Variants in PI4K2A observed in about 807,000 individuals in gnomAD.
PI4K2A encodes phosphatidylinositol 4-kinase type 2 alpha.
In PI4K2A, 20 loss-of-function variants were observed where a neutral mutation model predicts 55.0. That is an observed-to-expected ratio of 0.36 (90% CI 0.26 to 0.53). The LOEUF is 0.53. Ranked by LOEUF, PI4K2A falls within the 20% of genes least tolerant of loss-of-function variation. PI4K2A has a pLI of 0.91. For missense variants in PI4K2A, 463 were observed against 637.1 expected (o/e 0.73, Z 2.94); for synonymous variants, 235 against 258.5 (o/e 0.91, Z 0.87).
intron 1 of PI4K2A, among the ~76,000 whole-genome samples, chr10:97,650,383 G>A (rs1411817818): frequency 6.6e-6 from 1 of 151,324 alleles, no homozygotes; most frequent in African/African-American, 2.4e-5. Context: ...ATGGGTTCAA[G>A]TGATTCTCAT....
chr10:97,665,004 T>A lies in PI4K2A; in HGVS notation c.1084+20T>A. ...GGGCATGTAAGTCTCCAGACAATGGTGGTCTGGCTCTTCCCTTGCTCAGTA... is the reference window on the plus strand; with the variant it reads ...GGGCATGTAAGTCTCCAGACAATGGAGGTCTGGCTCTTCCCTTGCTCAGTA... On this transcript the variant is annotated intron_variant, in intron 6 of 8. Transcript: ENST00000370631. 3 of 1,467,686 alleles carry A rather than the reference T, an allele frequency of 2.0e-6. No individual in the cohort carries two copies. Among genetic ancestry groups the A allele is most frequent in the Non-Finnish European group, 2.9e-6 (3 of 1,046,748 alleles). 90.9% of individuals were successfully genotyped at this position (1,467,686 alleles called of 1,614,324 possible).
intron 4 of PI4K2A, among the ~76,000 whole-genome samples, chr10:97,660,232 A>T (rs2041574827): frequency 6.9e-6 from 1 of 145,624 alleles, no homozygotes. Context: ...CGATCTCCTG[A>T]CCTCGTGATC....
At chr10:97,642,685 C>A (rs182418253) in intron 1 of PI4K2A, among the ~76,000 whole-genome samples, 1 of 152,032 alleles carries the variant, frequency 6.6e-6, no homozygotes, top group East Asian at 1.9e-4. Flanking sequence ...CCGCGCCCGG[C>A]CTCCAAGTTT....
At chr10:97,641,584 C>T (rs1428392530) in intron 1 of PI4K2A, among the ~76,000 whole-genome samples, 1 of 152,130 alleles carries the variant, frequency 6.6e-6, no homozygotes, top group Non-Finnish European at 1.5e-5. Flanking sequence ...ACCAGTGTGT[C>T]GCTGTTCACG....
At chr10:97,647,671 CT>C (rs2041511950) in intron 1 of PI4K2A, among the ~76,000 whole-genome samples, 1 of 152,196 alleles carries the variant, frequency 6.6e-6, no homozygotes, top group Admixed American at 6.6e-5. Flanking sequence ...AGGCACTTGT[CT>C]CCCCTTCTGT....
intron 1 of PI4K2A, among the ~76,000 whole-genome samples, chr10:97,642,850 C>CTTTCT (rs1491531542): frequency 1.2e-5 from 1 of 80,344 alleles, no homozygotes; most frequent in Non-Finnish European, 2.7e-5. Flanking sequence ...TTCCTTCCTT[C>CTTTCT]CTTTCTTTCT....
In PI4K2A at chr10:97,640,706, T is replaced by C. The variant is rs769473395; in HGVS notation, c.-37T>C. ...GGTCGCGGCCGCGAGCGCAGTGGTG[T>C]GGAGCGCGCCGGGTCCCGGAGCCGG... On this transcript the variant is annotated 5_prime_UTR_variant, in exon 1 of 9. Coordinates refer to ENST00000370631, the Ensembl canonical transcript of PI4K2A. 9 of 1,416,604 alleles carry C rather than the reference T, an allele frequency of 6.4e-6. No individual in the cohort carries two copies. The South Asian group carries it at 1.0e-4, about 16-fold the overall frequency. 87.8% of individuals were successfully genotyped at this position (1,416,604 alleles called of 1,614,324 possible).
chr10:97,672,708 G>A (rs909986774), intron 8 of PI4K2A, among the ~76,000 whole-genome samples: 3 of 146,410 alleles, frequency 2.0e-5, no homozygotes, highest in African/African-American at 5.1e-5. Flanking sequence ...TGGAATTGCC[G>A]AGTCAGAGGG....
At chr10:97,654,840 A>AT (rs921379160) in intron 2 of PI4K2A, among the ~76,000 whole-genome samples, 1 of 151,936 alleles carries the variant, frequency 6.6e-6, no homozygotes, top group African/African-American at 2.4e-5. Flanking sequence ...GCTCATAAAA[A>AT]TTTTTTTTAG....
intron 2 of PI4K2A, among the ~76,000 whole-genome samples, chr10:97,654,795 C>T (rs557878846): frequency 2.0e-4 from 26 of 129,916 alleles, no homozygotes; most frequent in Middle Eastern, 3.8e-3. Context: ...ATTACAATTA[C>T]GTCACTGCAA....
chr10:97,643,581 C>T (rs765824017), intron 1 of PI4K2A, among the ~76,000 whole-genome samples: 7 of 152,076 alleles, frequency 4.6e-5, no homozygotes, highest in Non-Finnish European at 8.8e-5. Flanking sequence ...GGATTCCAGT[C>T]TCTAAAATTT....
chr10:97,652,576 C>T (rs981915936), intron 2 of PI4K2A, among the ~76,000 whole-genome samples: 3 of 152,120 alleles, frequency 2.0e-5, no homozygotes, highest in Non-Finnish European at 1.5e-5. Context: ...GCTGGGATTA[C>T]AAGTGTGAGC....
chr10:97,653,175 C>G (rs2041537475), intron 2 of PI4K2A, among the ~76,000 whole-genome samples: 1 of 152,236 alleles, frequency 6.6e-6, no homozygotes, highest in Non-Finnish European at 1.5e-5. Flanking sequence ...CTATAGTTTT[C>G]TTCCTTTACT....
intron 1 of PI4K2A, among the ~76,000 whole-genome samples, chr10:97,647,752 T>A (rs1224000366): frequency 1.3e-5 from 2 of 148,494 alleles, no homozygotes; most frequent in Non-Finnish European, 3.0e-5. Context: ...CAGGCAGTAT[T>A]CTTTAATAAA....
At chr10:97,654,828 T>C (rs1326062623) in intron 2 of PI4K2A, among the ~76,000 whole-genome samples, 1 of 151,960 alleles carries the variant, frequency 6.6e-6, no homozygotes, top group Non-Finnish European at 1.5e-5. Context: ...ATAATATTGA[T>C]GGCTCATAAA....
At chr10:97,641,035 A>C (rs1317953243) in exon 1 of PI4K2A, 1 of 1,592,944 alleles carries the variant, frequency 6.3e-7, no homozygotes, top group African/African-American at 1.3e-5. Flanking sequence ...GCTCAGGCCC[A>C]CCGCGAGCGG....
intron 1 of PI4K2A, among the ~76,000 whole-genome samples, chr10:97,642,469 C>T (rs1205193659): frequency 1.3e-5 from 2 of 150,726 alleles, no homozygotes; most frequent in African/African-American, 4.9e-5. Flanking sequence ...GGCGCGATCT[C>T]AGCTCACTGC....
intron 4 of PI4K2A, among the ~76,000 whole-genome samples, chr10:97,657,759 T>G (rs576336094): frequency 6.6e-6 from 1 of 152,192 alleles, no homozygotes; most frequent in Non-Finnish European, 1.5e-5. Flanking sequence ...ACATAAAATT[T>G]ATTATCTTAA....
intron 4 of PI4K2A, among the ~76,000 whole-genome samples, chr10:97,660,180 T>C (rs2041574421): frequency 1.3e-5 from 2 of 150,316 alleles, no homozygotes; most frequent in African/African-American, 4.9e-5. Context: ...TTTTTGTATT[T>C]TTAGTAGAGA....
Sources: allele counts gnomAD v4.1 joint callset (sites outside exome capture counted in the v4.1 genomes callset), GRCh38; gene constraint gnomAD v4.1.1; transcripts MANE v1.5; gene names NCBI Gene and HGNC (gene_info 2026-07-23, HGNC 2026-07-21).